Variants in CORO6 observed in about 807,000 individuals in gnomAD.
CORO6 encodes coronin 6.
Under a neutral mutation model 49.0 loss-of-function variants are expected in CORO6, and 43 were observed. That is an observed-to-expected ratio of 0.88 (90% confidence interval 0.69 to 1.13). The LOEUF (loss-of-function observed/expected upper bound fraction) is 1.13. Ranked by LOEUF, CORO6 falls within the 50% of genes most tolerant of loss-of-function variation. The pLI is 0.00. For synonymous variants in CORO6, 233 were observed against 256.5 expected, an observed-to-expected ratio of 0.91 and a Z score of 0.88; for missense variants, 650 against 647.0, an observed-to-expected ratio of 1.00 and a Z score of -0.05.
At chr17:29,620,682 G>A (rs148179219) in intron 2 of CORO6, among the ~76,000 whole-genome samples, 1 of 152,252 alleles carries the variant, frequency 6.6e-6, no homozygotes, top group Non-Finnish European at 1.5e-5. Flanking sequence ...CCTGAGGGTA[G>A]GGAGGGCTCT....
Position 29,615,302 on chromosome 17 carries a change from AG to A in CORO6, c.*429del. 6.2e-6 allele frequency: 1 copy of A among 161,526 alleles called. No homozygotes were observed. Among genetic ancestry groups the A allele is most frequent in the East Asian group, 1.8e-4 (1 of 5,478 alleles). 10.0% of individuals were successfully genotyped at this position (161,526 alleles called of 1,614,324 possible). Reference sequence around the variant, plus strand: ...GGTGATGGAATCCAGTGAGCTGATTAGGAGAAGCGCTGTCATTTTCCCCAGC... The same window carrying A: ...GGTGATGGAATCCAGTGAGCTGATTAGAGAAGCGCTGTCATTTTCCCCAGC... On this transcript the variant is annotated 3_prime_UTR_variant, in exon 11 of 11. Transcript: ENST00000388767.
chr17:29,616,759 C>T lies in CORO6; in HGVS notation c.947G>A (p.Arg316Gln), dbSNP rs1022079673. The change falls in exon 8 of 11, where the codon CGG (arginine) becomes CAG (glutamine). Residue 316 changes from arginine (R) to glutamine (Q), a missense_variant. Arg to Gln is a conservative substitution (Grantham distance 43). Transcript: ENST00000388767. The surrounding 1 kb of genome is among the most constrained non-coding windows in gnomAD (Gnocchi z 5.6). The stretch of plus-strand genomic sequence containing the variant: ...CCTTTTGGGCATGAAACCCATGCCC[C>T]GCTGCGGCTCTTTGCTGCTGAACGT... ...LNTFSSKEPQ[R>Q]GMGFMPKRGL... 8.1e-6 allele frequency: 13 copies of T among 1,613,856 alleles called. No individual in the cohort carries two copies. Among genetic ancestry groups the T allele is most frequent in the Non-Finnish European group, 1.1e-5 (13 of 1,179,938 alleles).
intron 6 of CORO6, 149 bp from the exon 7 acceptor site, chr17:29,617,191 C>T (rs960155389): frequency 1.3e-6 from 2 of 1,540,122 alleles, no homozygotes; most frequent in African/African-American, 2.7e-5. Flanking sequence ...CCCCTGGGCA[C>T]ATCTCTCCTC....
chr17:29,616,788 C>A lies in CORO6; in HGVS notation c.918G>T (p.Leu306=), dbSNP rs141982268. The A allele has an allele frequency of 7.4e-6, 12 of 1,613,726 alleles. No individual in the cohort carries two copies. Among genetic ancestry groups the A allele is most frequent in the South Asian group, 1.1e-5 (1 of 91,076 alleles). The part of the protein sequence containing the change: ...ITDEPPFVHY[L]NTFSSKEPQR... ...GCGGCTCTTTGCTGCTGAACGTGTT[C>A]AGGTAGTGCACGAAAGGCGGCTCGT... The change falls in exon 8 of 11, where the codon CTG becomes CTT. Residue 306 remains leucine, a synonymous_variant. Coordinates refer to ENST00000388767, the MANE Select transcript of CORO6 (RefSeq NM_032854.4). This position sits in a 1 kb window ranked among gnomAD's most constrained non-coding sequence, Gnocchi z 5.6.
In CORO6 at chr17:29,621,102, A is replaced by T; in HGVS notation, c.198+122T>A. On this transcript the variant is annotated intron_variant, in intron 2 of 10. Transcript: ENST00000388767. This position sits in a 1 kb window ranked among gnomAD's most constrained non-coding sequence, Gnocchi z 4.2. Reference sequence around the variant, plus strand: ...CTTGAGGGCTTGGGGAATAGGGAGGAGCCAATCCACACAGATGCTTCTCCT... The same window carrying T: ...CTTGAGGGCTTGGGGAATAGGGAGGTGCCAATCCACACAGATGCTTCTCCT... 1 of 1,293,050 alleles carries T rather than the reference A, an allele frequency of 7.7e-7. No individual in the cohort carries two copies. Among genetic ancestry groups the T allele is most frequent in the East Asian group, 2.5e-5 (1 of 39,724 alleles). The allele number at this position is 1,293,050 out of a possible 1,614,324, so 80.1% of individuals were successfully genotyped here.
At chr17:29,618,611 G>A (rs2035133054) in intron 5 of CORO6, 179 bp downstream of exon 5, 1 of 1,418,250 alleles carries the variant, frequency 7.1e-7, no homozygotes, top group Admixed American at 2.9e-5. Context: ...TTGCAGGCTG[G>A]GGGCTTACTT....
chr17:29,618,202 C>T, intron 5 of CORO6: 1 of 1,327,698 alleles, frequency 7.5e-7, no homozygotes, highest in South Asian at 1.9e-5. Context: ...AGCGCCCCGG[C>T]GCCAGCCCCG....
chr17:29,616,578 C>T lies in CORO6; in HGVS notation c.1004+124G>A. The T allele has an allele frequency of 7.7e-7, 1 of 1,303,668 alleles. No individual in the cohort carries two copies. The highest frequency in any genetic ancestry group is 2.3e-5 in the East Asian group (1 of 43,014). 80.8% of individuals were successfully genotyped at this position (1,303,668 alleles called of 1,614,324 possible). On this transcript the variant is annotated intron_variant, in intron 8 of 10. Transcript: ENST00000388767. The surrounding 1 kb of genome is among the most constrained non-coding windows in gnomAD (Gnocchi z 5.6). ...CGGTGGGTCTGGCACTGAAACAGAG[C>T]TGTCTTATCCCCCCGCCCCGCTTTT...
chr17:29,621,540 G>A lies in CORO6; in HGVS notation c.-63-56C>T, dbSNP rs2035309237. 1.3e-6 allele frequency: 2 copies of A among 1,498,828 alleles called. No individual in the cohort carries two copies. Among genetic ancestry groups the A allele is most frequent in the Admixed American group, 2.0e-5 (1 of 49,798 alleles). The allele number at this position is 1,498,828 out of a possible 1,614,324, so 92.8% of individuals were successfully genotyped here. On this transcript the variant is annotated intron_variant, in intron 1 of 10. Coordinates refer to ENST00000388767, the MANE Select transcript of CORO6 (RefSeq NM_032854.4). This position sits in a 1 kb window ranked among gnomAD's most constrained non-coding sequence, Gnocchi z 4.2. ...CTGATGAGAAGGGTTATGTGGTCAG[G>A]AGTCAGGTATAAATCCATATAGTGT...
chr17:29,616,886 G>C lies in CORO6; in HGVS notation c.859-39C>G. The C allele has an allele frequency of 6.2e-7, 1 of 1,613,154 alleles. No homozygotes were observed. ...CGGTTCAGGGGCGCGCCCGGACAAG[G>C]CCCTCCACATCTCCATCCAGTGCCC... On this transcript the variant is annotated intron_variant, in intron 7 of 10. Transcript: ENST00000388767. This position sits in a 1 kb window ranked among gnomAD's most constrained non-coding sequence, Gnocchi z 5.6.
rs138692015 is a variant in CORO6 at position 29,616,077 on chromosome 17, C to G, written c.1161G>C (p.Val387=). The part of the protein sequence containing the change: ...EWLSGQDAEP[V]LISLRDGYVP... ...CATAGCCGTCCCTCAGCGAAATGAG[C>G]ACGGGTTCGGCGTCCTGGCCGGATA... Residue 387 remains valine (V), a synonymous_variant, in exon 10 of 11, where the codon GTG becomes GTC. Coordinates refer to ENST00000388767, the MANE Select transcript of CORO6 (RefSeq NM_032854.4). The surrounding 1 kb of genome is among the most constrained non-coding windows in gnomAD (Gnocchi z 5.6). 1.1e-3 allele frequency: 1,821 copies of G among 1,612,980 alleles called. 3 individuals carry two copies. The highest frequency in any genetic ancestry group is 2.2e-3 in the Admixed American group (134 of 60,018).
chr17:29,619,894 G>T, intron 2 of CORO6, 121 bp from the exon 3 acceptor site: 1 of 864,124 alleles, frequency 1.2e-6, no homozygotes, highest in Non-Finnish European at 1.9e-6. Flanking sequence ...ATCCCTCTCT[G>T]CACTTCTAAC....
intron 5 of CORO6, chr17:29,618,019 G>A (rs1286650473): frequency 2.1e-6 from 3 of 1,462,858 alleles, no homozygotes; most frequent in East Asian, 2.8e-5. Context: ...GAAGGAGCGA[G>A]CTAGCGCGCC....
At chr17:29,622,440 C>A (rs2035354724) in intron 1 of CORO6, among the ~76,000 whole-genome samples, 1 of 152,354 alleles carries the variant, frequency 6.6e-6, no homozygotes. Flanking sequence ...CGTCTGCGGC[C>A]CCGAGCCTGA....
chr17:29,617,725 G>A (rs1457636699), intron 5 of CORO6, 106 bp from the exon 6 acceptor site: 3 of 1,239,728 alleles, frequency 2.4e-6, no homozygotes, highest in Non-Finnish European at 3.3e-6. Context: ...GGGTGGAGGA[G>A]CGGATGCGGG....
Position 29,616,642 on chromosome 17 carries a change from A to AC in CORO6, c.1004+59dup. 1 of 1,589,656 alleles carries AC rather than the reference A, an allele frequency of 6.3e-7. No homozygotes were observed. Among genetic ancestry groups the AC allele is most frequent in the Non-Finnish European group, 8.6e-7 (1 of 1,162,204 alleles). On this transcript the variant is annotated intron_variant, in intron 8 of 10. Coordinates refer to ENST00000388767, the MANE Select transcript of CORO6 (RefSeq NM_032854.4). The surrounding 1 kb of genome is among the most constrained non-coding windows in gnomAD (Gnocchi z 5.6). The stretch of plus-strand genomic sequence containing the variant: ...TTACTGGGGAAGCCCCGTGGCTAGG[A>AC]CCCGACATGAGTGGGGGACAGAGGC...
rs1259772143 is a variant in CORO6, at chr17:29,616,315, T to A, written c.1026A>T (p.Arg342Ser). The A allele has an allele frequency of 6.2e-7, 1 of 1,609,330 alleles. No individual in the cohort carries two copies. The highest frequency in any genetic ancestry group is 1.1e-5 in the South Asian group (1 of 90,168). Residue 342 changes from arginine (R) to serine (S), a missense_variant, in exon 9 of 11, where the codon AGA becomes AGT. By Grantham distance (110) the Arg-to-Ser change is moderately radical. Coordinates refer to ENST00000388767, the MANE Select transcript of CORO6 (RefSeq NM_032854.4). The surrounding 1 kb of genome is among the most constrained non-coding windows in gnomAD (Gnocchi z 5.6). ...EIARFYKLHE[R>S]KCEPIIMTVP... ...CAGTCATGATGATAGGTTCACACTT[T>A]CTTTCGTGTAGCTTGTAGAACCTAT...
chr17:29,622,063 G>C (rs1387274881), intron 1 of CORO6: 1 of 155,148 alleles, frequency 6.4e-6, no homozygotes, highest in South Asian at 2.0e-4. Context: ...ATGCCTTGTG[G>C]GGGGACGGGT....
chr17:29,619,028 A>G, intron 4 of CORO6, 32 bp downstream of exon 4: 1 of 1,612,050 alleles, frequency 6.2e-7, no homozygotes, highest in East Asian at 2.2e-5. Context: ...CCACCCACCC[A>G]TCTATGGGGG....
Sources: gnomAD v4.1 joint callset for allele counts (sites outside exome capture counted in the v4.1 genomes callset) on GRCh38, gnomAD v4.1.1 for gene constraint, Gnocchi (gnomAD v3.1) non-coding constraint, MANE v1.5 for transcripts, NCBI Gene and HGNC (gene_info 2026-07-23, HGNC 2026-07-21) for gene names.